SMARCC1: variants seen among roughly 807,000 people sequenced by gnomAD.
SMARCC1 encodes SWI/SNF related BAF chromatin remodeling complex subunit C1.
SMARCC1 carries 43 observed loss-of-function variants against 147.4 expected under a neutral mutation model. The observed-to-expected ratio is 0.29, with a 90% CI of 0.23 to 0.38. The LOEUF (loss-of-function observed/expected upper bound fraction) is 0.38. Ranked by LOEUF, SMARCC1 falls within the 10% of genes least tolerant of loss-of-function variation. SMARCC1 has a pLI of 1.00. For synonymous variants in SMARCC1, 495 were observed against 484.4 expected (o/e 1.02, Z -0.29); for missense variants, 1,119 against 1,381.1 (o/e 0.81, Z 3.01).
intron 24 of SMARCC1, 49 bp from the exon 25 acceptor site, chr3:47,622,390 G>A (rs1478734333): frequency 1.3e-6 from 2 of 1,564,274 alleles, no homozygotes; most frequent in Non-Finnish European, 1.8e-6. Flanking sequence ...TTTGCTTAAA[G>A]AACATTAAGA....
At chr3:47,770,906 T>TTTTA (rs1174635397) in intron 2 of SMARCC1, among the ~76,000 whole-genome samples, 6 of 151,974 alleles carry the variant, frequency 3.9e-5, no homozygotes, top group African/African-American at 1.4e-4. Context: ...TTTTTTAAAA[T>TTTTA]TTTATTTATT....
chr3:47,709,128 G>A (rs1303671697), intron 9 of SMARCC1, among the ~76,000 whole-genome samples: 3 of 152,002 alleles, frequency 2.0e-5, no homozygotes, highest in Non-Finnish European at 4.4e-5. Flanking sequence ...AGGTGTGGTG[G>A]CACGTGCCTG....
At chr3:47,671,718 T>G (rs2033505097) in intron 18 of SMARCC1, among the ~76,000 whole-genome samples, 1 of 152,236 alleles carries the variant, frequency 6.6e-6, no homozygotes. Flanking sequence ...GTAGTATAGC[T>G]GATACTATCA....
chr3:47,686,984 A>G (rs1330141911), intron 13 of SMARCC1, among the ~76,000 whole-genome samples: 2 of 151,940 alleles, frequency 1.3e-5, no homozygotes, highest in Non-Finnish European at 1.5e-5. Flanking sequence ...CCCTGCCTCA[A>G]AAAAAAATAA....
chr3:47,742,328 C>T (rs924965789), intron 3 of SMARCC1, among the ~76,000 whole-genome samples: 4 of 151,534 alleles, frequency 2.6e-5, no homozygotes, highest in Non-Finnish European at 2.9e-5. Context: ...AAATAAACAA[C>T]GTCCTAATCT....
intron 4 of SMARCC1, among the ~76,000 whole-genome samples, chr3:47,737,593 T>C (rs1248741409): frequency 6.6e-6 from 1 of 152,124 alleles, no homozygotes; most frequent in Non-Finnish European, 1.5e-5. Context: ...TCTTCCTTTG[T>C]TCTTTTGGCA....
chr3:47,645,216 C>T (rs867466797), intron 21 of SMARCC1, among the ~76,000 whole-genome samples: 1 of 151,936 alleles, frequency 6.6e-6, no homozygotes, highest in South Asian at 2.1e-4. Flanking sequence ...GTCTCTTGAT[C>T]CTAGGTCAAG....
At chr3:47,708,711 T>C (rs1204902435) in intron 9 of SMARCC1, among the ~76,000 whole-genome samples, 1 of 152,106 alleles carries the variant, frequency 6.6e-6, no homozygotes, top group Non-Finnish European at 1.5e-5. Context: ...AAATTTTGAA[T>C]AGTCCAATTC....
chr3:47,757,944 A>C (rs1261730452), intron 2 of SMARCC1, among the ~76,000 whole-genome samples: 1 of 152,106 alleles, frequency 6.6e-6, no homozygotes, highest in Non-Finnish European at 1.5e-5. Flanking sequence ...TAAGAACACA[A>C]CCAAAAGAAA....
intron 26 of SMARCC1, among the ~76,000 whole-genome samples, chr3:47,595,476 G>A (rs879571120): frequency 2.0e-5 from 3 of 151,858 alleles, no homozygotes; most frequent in Non-Finnish European, 2.9e-5. Flanking sequence ...GCAGTGAGCC[G>A]AGAATGAGCC....
chr3:47,741,312 A>G (rs577923728), intron 3 of SMARCC1, among the ~76,000 whole-genome samples: 75 of 148,816 alleles, frequency 5.0e-4, no homozygotes, highest in Middle Eastern at 3.4e-3. Context: ...TAATTCAAAT[A>G]AGATATAAAA....
Position 47,661,348 on chromosome 3 carries a change from C to A in SMARCC1, c.2266G>T (p.Gly756Cys). ...RASGKVDPTY[G>C]LESSCIAGTG... is the part of the protein sequence containing the mutation. Reference sequence around the variant, plus strand: ...CCTGCAATGCAGCTGCTCTCCAGACCGTAGGTGGGATCCACTTTCCCAGAG... The same window carrying A: ...CCTGCAATGCAGCTGCTCTCCAGACAGTAGGTGGGATCCACTTTCCCAGAG... The change falls in exon 21 of 28, where the codon GGT becomes TGT. Residue 756 changes from glycine to cysteine, a missense_variant. By Grantham distance (159) the Gly-to-Cys change is radical. This residue lies in a region of SMARCC1 where 157 missense variants were observed against 158.6 expected (regional missense o/e 0.99). Coordinates refer to ENST00000254480, the MANE Select transcript of SMARCC1 (RefSeq NM_003074.4). The A allele has an allele frequency of 6.2e-7, 1 of 1,613,878 alleles. No individual in the cohort carries two copies. Among genetic ancestry groups the A allele is most frequent in the East Asian group, 2.2e-5 (1 of 44,864 alleles).
chr3:47,726,873 G>A (rs2034305451), intron 6 of SMARCC1, among the ~76,000 whole-genome samples: 1 of 152,016 alleles, frequency 6.6e-6, no homozygotes, highest in South Asian at 2.1e-4. Context: ...CATGTTATTA[G>A]CATGTGTTAA....
At chr3:47,737,356 A>G (rs959508077) in intron 4 of SMARCC1, among the ~76,000 whole-genome samples, 1 of 152,166 alleles carries the variant, frequency 6.6e-6, no homozygotes, top group African/African-American at 2.4e-5. Context: ...CTCTGACTGC[A>G]CCACTGCACT....
At chr3:47,661,535 C>A (rs1008922164) in intron 20 of SMARCC1, 80 bp from the exon 21 acceptor site, 5 of 1,132,410 alleles carry the variant, frequency 4.4e-6, no homozygotes, top group Non-Finnish European at 6.4e-6. Context: ...ACCAGGAAAC[C>A]CAACACAGTA....
intron 21 of SMARCC1, among the ~76,000 whole-genome samples, chr3:47,657,737 TGGGAG>T (rs2033282689): frequency 6.6e-6 from 1 of 151,746 alleles, no homozygotes; most frequent in Admixed American, 6.6e-5. Flanking sequence ...GGCTTGAACC[TGGGAG>T]GCAGAGGTTG....
chr3:47,678,829 A>G (rs902198337), intron 15 of SMARCC1, among the ~76,000 whole-genome samples: 1 of 152,226 alleles, frequency 6.6e-6, no homozygotes, highest in Non-Finnish European at 1.5e-5. Flanking sequence ...CCAGAATTCA[A>G]TGCTGCCAGT....
At chr3:47,635,593 T>C (rs1023058938) in intron 23 of SMARCC1, among the ~76,000 whole-genome samples, 8 of 152,198 alleles carry the variant, frequency 5.3e-5, no homozygotes, top group African/African-American at 1.9e-4. Flanking sequence ...CCCTTGGATA[T>C]ATATATTTAA....
intron 1 of SMARCC1, among the ~76,000 whole-genome samples, chr3:47,778,201 AACAAAAAACAAAAAAC>A (rs1455936420): frequency 1.5e-5 from 2 of 136,938 alleles, no homozygotes; most frequent in African/African-American, 6.2e-5. Context: ...AAAAAAAAAA[AACAAAAAACAAAAAAC>A]AAAAAAAACA....
Sources: gnomAD v4.1 joint callset for allele counts (sites outside exome capture counted in the v4.1 genomes callset) on GRCh38, gnomAD v4.1.1 for gene constraint, gnomAD v4.1.1 regional missense constraint, MANE v1.5 for transcripts, NCBI Gene and HGNC (gene_info 2026-07-23, HGNC 2026-07-21) for gene names.